The following NRG1 variants were observed in gnomAD, a reference collection of about 807,000 sequenced individuals.
NRG1 encodes the protein neuregulin 1, also known as pro-neuregulin-1, membrane-bound isoform.
In NRG1, 18 loss-of-function variants were observed where a neutral mutation model predicts 63.8. The observed-to-expected ratio is 0.28, with a 90% CI of 0.19 to 0.42. The LOEUF (loss-of-function observed/expected upper bound fraction) is 0.42. Ranked by LOEUF, NRG1 falls within the 10% of genes least tolerant of loss-of-function variation. The pLI is 1.00. For synonymous variants in NRG1, 302 were observed against 301.3 expected, an observed-to-expected ratio of 1.00 and a Z score of -0.02; for missense variants, 762 against 814.7, an observed-to-expected ratio of 0.94 and a Z score of 0.79.
intron 1 of NRG1, among the ~76,000 whole-genome samples, chr8:32,334,531 T>C (rs1803023581): frequency 6.6e-6 from 1 of 152,134 alleles, no homozygotes; most frequent in Non-Finnish European, 1.5e-5. Flanking sequence ...AGTTAAATAT[T>C]TGCATCTCCT....
At chr8:32,664,514 G>A (rs1299779778) in intron 5 of NRG1, among the ~76,000 whole-genome samples, 1 of 152,026 alleles carries the variant, frequency 6.6e-6, no homozygotes, top group Non-Finnish European at 1.5e-5. Flanking sequence ...TGCTGATAGC[G>A]AACATTTATT....
rs560388430 is a variant in NRG1, at chr8:32,169,929, G to A, written c.38-425899G>A. 2.4e-4 allele frequency among the ~76,000 whole-genome samples: 36 copies of A among 152,274 alleles called. No individual in the cohort carries two copies. The South Asian group carries it at 6.0e-3, about 25-fold the overall frequency. ...ATGAGGTTATACTCAAGTAAAGTAG[G>A]TCCTTAATCCAATACAACTGGTGTT... On this transcript the variant is annotated intron_variant, in intron 1 of 10. Coordinates refer to the NRG1 transcript ENST00000519301.
chr8:32,484,292 A>G (rs1825665789), intron 1 of NRG1, among the ~76,000 whole-genome samples: 1 of 152,158 alleles, frequency 6.6e-6, no homozygotes, highest in South Asian at 2.1e-4. Flanking sequence ...ATCCACCTTT[A>G]TGCTGTCAGT....
At chr8:32,159,091 A>T (rs1337949975) in intron 1 of NRG1, among the ~76,000 whole-genome samples, 1 of 152,220 alleles carries the variant, frequency 6.6e-6, no homozygotes, top group African/African-American at 2.4e-5. Flanking sequence ...TGGACTTTTG[A>T]GTTGACTAAA....
At chr8:31,963,802 G>A (rs983242459) in intron 1 of NRG1, among the ~76,000 whole-genome samples, 2 of 152,180 alleles carry the variant, frequency 1.3e-5, no homozygotes, top group East Asian at 3.9e-4. Flanking sequence ...TGTACTTTCC[G>A]CTCTCAGGGG....
intron 1 of NRG1, among the ~76,000 whole-genome samples, chr8:32,441,019 ACAGTTAAATT>A (rs150612597): frequency 0.012 from 1,898 of 152,300 alleles, 34 homozygotes; most frequent in African/African-American, 0.044. Flanking sequence ...CTCATTAATT[ACAGTTAAATT>A]CAGGCAAATT....
At chr8:31,817,035 A>G (rs1823520064) in intron 1 of NRG1, among the ~76,000 whole-genome samples, 2 of 152,214 alleles carry the variant, frequency 1.3e-5, no homozygotes, top group South Asian at 4.1e-4. Flanking sequence ...AAAATTCTCT[A>G]AGAGTGACTA....
At chr8:32,179,264 A>C (rs990615144) in intron 1 of NRG1, among the ~76,000 whole-genome samples, 5 of 151,194 alleles carry the variant, frequency 3.3e-5, no homozygotes, top group African/African-American at 1.2e-4. Context: ...TTAGGGACAG[A>C]GCTCAGAGAG....
At position 31,640,695 on chromosome 8, in the gene NRG1, G is replaced by A. The variant is rs1803673137; in HGVS notation, c.37+1264G>A. ...CTCTGGAGACGGGCCGGAACCTCAA[G>A]AAGGAGGTCAGCCGGGTGCTGTGCA... is the stretch of plus-strand genomic sequence containing the variant. On this transcript the variant is annotated intron_variant, in intron 1 of 10. Coordinates refer to the NRG1 transcript ENST00000519301. The surrounding 1 kb of genome is among the most constrained non-coding windows in gnomAD (Gnocchi z 6.3). 6.2e-7 allele frequency: 1 copy of A among 1,605,224 alleles called. No individual in the cohort carries two copies. Among genetic ancestry groups the A allele is most frequent in the African/African-American group, 1.3e-5 (1 of 74,306 alleles).
At chr8:31,658,518 A>C (rs1805652025) in intron 1 of NRG1, among the ~76,000 whole-genome samples, 1 of 152,136 alleles carries the variant, frequency 6.6e-6, no homozygotes, top group African/African-American at 2.4e-5. Flanking sequence ...GCTGGAGTGC[A>C]GTGGTGCAAT....
chr8:31,840,041 G>C (rs1036260084), intron 1 of NRG1, among the ~76,000 whole-genome samples: 1 of 152,144 alleles, frequency 6.6e-6, no homozygotes, highest in African/African-American at 2.4e-5. Flanking sequence ...CAAATGTTCT[G>C]AGCGTCCCCG....
At chr8:32,281,184 C>CTTTTTTTGTTTTTTTTT (rs1852782983) in intron 1 of NRG1, among the ~76,000 whole-genome samples, 1 of 94,326 alleles carries the variant, frequency 1.1e-5, no homozygotes, top group Non-Finnish European at 2.0e-5. Flanking sequence ...GTAGTTTTTC[C>CTTTTTTTGTTTTTTTTT]TTTTTTTTTT....
chr8:32,057,668 G>A (rs1172605607), intron 1 of NRG1, among the ~76,000 whole-genome samples: 1 of 152,130 alleles, frequency 6.6e-6, no homozygotes, highest in Non-Finnish European at 1.5e-5. Flanking sequence ...AGGTCATTGG[G>A]TTAAGGATCA....
At chr8:32,372,366 A>C (rs577183078) in intron 1 of NRG1, among the ~76,000 whole-genome samples, 1 of 152,140 alleles carries the variant, frequency 6.6e-6, no homozygotes, top group East Asian at 1.9e-4. Flanking sequence ...ATGCTGTTTA[A>C]CAAGTTCTCT....
chr8:32,378,943 A>T (rs577219861), intron 1 of NRG1, among the ~76,000 whole-genome samples: 3 of 152,162 alleles, frequency 2.0e-5, no homozygotes, highest in Non-Finnish European at 4.4e-5. Context: ...TACAAAGGAC[A>T]TGAACTCATC....
At chr8:32,507,052 G>A (rs1283690956) in intron 1 of NRG1, among the ~76,000 whole-genome samples, 1 of 152,018 alleles carries the variant, frequency 6.6e-6, no homozygotes, top group Non-Finnish European at 1.5e-5. Context: ...AAAAACCTAG[G>A]GGTGAACCTG....
intron 1 of NRG1, among the ~76,000 whole-genome samples, chr8:31,950,769 G>A (rs910662453): frequency 6.6e-6 from 1 of 152,148 alleles, no homozygotes; most frequent in Non-Finnish European, 1.5e-5. Flanking sequence ...CCATGTCAGG[G>A]ATGACTCCAG....
At chr8:32,608,461 C>T (rs1236959655) in intron 3 of NRG1, among the ~76,000 whole-genome samples, 1 of 152,226 alleles carries the variant, frequency 6.6e-6, no homozygotes, top group Middle Eastern at 3.4e-3. Flanking sequence ...ACCTTGAACT[C>T]CCAAAGTGCT....
intron 1 of NRG1, among the ~76,000 whole-genome samples, chr8:32,595,198 A>G (rs1243520585): frequency 6.6e-6 from 1 of 151,296 alleles, no homozygotes; most frequent in East Asian, 1.9e-4. Context: ...TTTTTTTTTA[A>G]TTTCTTTTTG....
Sources: gnomAD v4.1 joint callset for allele counts (sites outside exome capture counted in the v4.1 genomes callset) on GRCh38, gnomAD v4.1.1 for gene constraint, Gnocchi (gnomAD v3.1) non-coding constraint, MANE v1.5 for transcripts, NCBI Gene and HGNC (gene_info 2026-07-23, HGNC 2026-07-21) for gene names.